UPF2: variants seen among roughly 807,000 people sequenced by gnomAD.
UPF2 encodes UPF2 regulator of nonsense mediated mRNA decay.
UPF2 carries 17 observed loss-of-function variants against 141.4 expected under a neutral mutation model. That is an observed-to-expected ratio of 0.12 (90% CI 0.08 to 0.18). The LOEUF (loss-of-function observed/expected upper bound fraction) is 0.18. Among genes scored for constraint, UPF2 ranks in the 10% least tolerant of loss-of-function variants. The pLI is 1.00. For missense variants in UPF2, 1,152 were observed against 1,515.9 expected (o/e 0.76, Z 3.99); for synonymous variants, 540 against 498.0 (o/e 1.08, Z -1.12).
At position 11,985,884 on chromosome 10, in the gene UPF2, C is replaced by CTTTTTTTT. The variant is rs746117868; in HGVS notation, c.1845-6727_1845-6720dup. On this transcript the variant is annotated intron_variant, in intron 8 of 21. Transcript: ENST00000357604. ...CAACTGAAAAATAATTAGATCCTTC[C>CTTTTTTTT]TTTTTTTTTTTTTTTTGTGAGACGG... 1.8e-3 allele frequency among the ~76,000 whole-genome samples: 184 copies of CTTTTTTTT among 100,688 alleles called. 24 individuals are homozygous for CTTTTTTTT. The highest frequency in any genetic ancestry group is 4.7e-3 in the African/African-American group (112 of 23,626). The allele number at this position is 100,688 out of a possible 152,430, so 66.1% of individuals were successfully genotyped here.
intron 5 of UPF2, among the ~76,000 whole-genome samples, chr10:12,003,866 A>C (rs1382773528): frequency 7.0e-6 from 1 of 141,878 alleles, no homozygotes; most frequent in African/African-American, 2.6e-5. Context: ...CGTAGGTTGC[A>C]GTGAGCTGAG....
At chr10:11,949,036 A>AT (rs1833041042) in intron 15 of UPF2, among the ~76,000 whole-genome samples, 1 of 152,226 alleles carries the variant, frequency 6.6e-6, no homozygotes, top group South Asian at 2.1e-4. Flanking sequence ...CTTTGTCACC[A>AT]TACAGACTAA....
At position 11,959,265 on chromosome 10, in the gene UPF2, G is replaced by A. The variant is rs1172718170; in HGVS notation, c.2276C>T (p.Pro759Leu). 2 of 1,613,200 alleles carry A rather than the reference G, an allele frequency of 1.2e-6. No individual in the cohort carries two copies. The highest frequency in any genetic ancestry group is 1.7e-6 in the Non-Finnish European group (2 of 1,179,738). Residue 759 changes from proline to leucine, a missense_variant, in exon 12 of 22, where the codon CCA becomes CTA. Physicochemically the swap from Pro to Leu is moderately conservative, Grantham distance 98. Transcript: ENST00000357604. The surrounding 1 kb of genome is among the most constrained non-coding windows in gnomAD (Gnocchi z 5.9). ...TTTCTTTTTCACGGTTTTTTCAGCT[G>A]GAGGTGGGTTGCAGTAGTAATATGC... ...ENAYYYCNPP[P>L]AEKTVKKKRP...
At chr10:11,938,056 T>C (rs978833275) in intron 18 of UPF2, among the ~76,000 whole-genome samples, 3 of 152,212 alleles carry the variant, frequency 2.0e-5, no homozygotes, top group African/African-American at 7.2e-5. Context: ...GCAACAACTA[T>C]TAACAATGGA....
intron 12 of UPF2, among the ~76,000 whole-genome samples, chr10:11,958,718 C>T (rs987576505): frequency 6.6e-6 from 1 of 152,068 alleles, no homozygotes; most frequent in African/African-American, 2.4e-5. Flanking sequence ...TGGAAATTAA[C>T]CCCTGTTGAG....
At chr10:11,950,743 A>G (rs1216441550) in intron 15 of UPF2, among the ~76,000 whole-genome samples, 1 of 152,274 alleles carries the variant, frequency 6.6e-6, no homozygotes, top group Non-Finnish European at 1.5e-5. Flanking sequence ...ACTCTGCTCA[A>G]TATGAGATCA....
chr10:11,957,806 T>G (rs151123125), intron 12 of UPF2, among the ~76,000 whole-genome samples: 106 of 152,228 alleles, frequency 7.0e-4, no homozygotes, highest in African/African-American at 2.2e-3. Flanking sequence ...CATGAGCCAC[T>G]ATGCCAGCTA....
chr10:11,954,175 T>A (rs2131186660), intron 14 of UPF2, among the ~76,000 whole-genome samples: 1 of 152,302 alleles, frequency 6.6e-6, no homozygotes, highest in East Asian at 1.9e-4. Flanking sequence ...TATTTGTATA[T>A]GAATTTAATT....
At chr10:11,933,988 C>G (rs1832812638) in intron 19 of UPF2, among the ~76,000 whole-genome samples, 1 of 152,150 alleles carries the variant, frequency 6.6e-6, no homozygotes, top group Non-Finnish European at 1.5e-5. Context: ...ATGTACTGCC[C>G]TCCACAATTC....
chr10:11,936,634 C>T lies in UPF2; in HGVS notation c.3457G>A (p.Gly1153Arg), dbSNP rs767942078. 4 of 1,613,606 alleles carry T rather than the reference C, an allele frequency of 2.5e-6. No individual in the cohort carries two copies. The South Asian group carries it at 4.4e-5, about 18-fold the overall frequency. ...PLHLKSQLRK[G>R]PPLGGGEGEA... ...CCTTCCCCACCTCCCAGTGGGGGCC[C>T]TTTCCTCAGCTGGCTTTTGAGATGC... is the stretch of plus-strand genomic sequence containing the variant. The change falls in exon 19 of 22, where the codon GGG (glycine) becomes AGG (arginine). Residue 1153 changes from glycine to arginine, a missense_variant. Gly to Arg is a moderately radical substitution (Grantham distance 125). Coordinates refer to ENST00000357604, the MANE Select transcript of UPF2 (RefSeq NM_015542.4). The surrounding 1 kb of genome is among the most constrained non-coding windows in gnomAD (Gnocchi z 6.6).
At position 11,953,697 on chromosome 10, in the gene UPF2, G is replaced by A. The variant is rs868074895; in HGVS notation, c.2851-1448C>T. ...CAGCAAAACTCTGGCTTTTAATACA[G>A]TATCCAACTTAAGATGGTCCTTACA... On this transcript the variant is annotated intron_variant, in intron 14 of 21. Coordinates refer to ENST00000357604, the MANE Select transcript of UPF2 (RefSeq NM_015542.4). This position sits in a 1 kb window ranked among gnomAD's most constrained non-coding sequence, Gnocchi z 5.0. 6.6e-6 allele frequency among the ~76,000 whole-genome samples: 1 copy of A among 152,138 alleles called. No homozygotes were observed. Among genetic ancestry groups the A allele is most frequent in the Non-Finnish European group, 1.5e-5 (1 of 68,028 alleles).
intron 4 of UPF2, among the ~76,000 whole-genome samples, chr10:12,012,046 C>A (rs1435771922): frequency 6.6e-6 from 1 of 151,414 alleles, no homozygotes; most frequent in African/African-American, 2.4e-5. Context: ...GTAAAGAAAC[C>A]ACCTAAATCA....
At position 12,014,030 on chromosome 10, in the gene UPF2, G is replaced by A. The variant is rs995556519; in HGVS notation, c.1300C>T (p.Pro434Ser). The change falls in exon 4 of 22, where the codon CCA (proline) becomes TCA (serine). Residue 434 changes from proline (P) to serine (S), a missense_variant. Pro to Ser is a moderately conservative substitution (Grantham distance 74). This residue lies in a region of UPF2 where 739 missense variants were observed against 1,032.2 expected (regional missense o/e 0.72). Transcript: ENST00000357604. The surrounding 1 kb of genome is among the most constrained non-coding windows in gnomAD (Gnocchi z 5.0). ...TTTTAAGGATATCTCTTACCTTCTG[G>A]TGTTGGTTTGTCTTGAGGAAGATCT... The part of the protein sequence containing the change: ...MPDLPQDKPT[P>S]EEHGPGIDIF... 1 of 1,553,666 alleles carries A rather than the reference G, an allele frequency of 6.4e-7. No individual in the cohort carries two copies. Among genetic ancestry groups the A allele is most frequent in the Non-Finnish European group, 8.7e-7 (1 of 1,147,376 alleles).
intron 8 of UPF2, among the ~76,000 whole-genome samples, chr10:11,993,370 C>T (rs1397666533): frequency 2.0e-5 from 3 of 152,086 alleles, no homozygotes; most frequent in South Asian, 2.1e-4. Flanking sequence ...TGCAACACAT[C>T]GGGAGTCACA....
At chr10:11,945,557 T>C (rs1041961232) in intron 16 of UPF2, among the ~76,000 whole-genome samples, 1 of 152,234 alleles carries the variant, frequency 6.6e-6, no homozygotes, top group Non-Finnish European at 1.5e-5. Context: ...AACCTCCCTC[T>C]GCACATTTTG....
chr10:11,956,592 A>G lies in UPF2; in HGVS notation c.2371-69T>C. On this transcript the variant is annotated intron_variant, in intron 12 of 21. Coordinates refer to ENST00000357604, the MANE Select transcript of UPF2 (RefSeq NM_015542.4). This position sits in a 1 kb window ranked among gnomAD's most constrained non-coding sequence, Gnocchi z 4.2. ...AGTAGCCTGACCAAATAATACAGAA[A>G]TTTTGCTATGATTGCGCAGAGAACT... 6.8e-7 allele frequency: 1 copy of G among 1,464,270 alleles called. No homozygotes were observed. Among genetic ancestry groups the G allele is most frequent in the South Asian group, 1.2e-5 (1 of 81,976 alleles). 90.7% of individuals were successfully genotyped at this position (1,464,270 alleles called of 1,614,324 possible). A position where few individuals can be genotyped will look rare whatever the true frequency, so the allele number is the denominator to read the frequency against.
Position 11,921,010 on chromosome 10 carries a change from T to G in UPF2, c.*288A>C, listed in dbSNP as rs752772818. 10 of 659,832 alleles carry G rather than the reference T, an allele frequency of 1.5e-5. No homozygotes were observed. Among genetic ancestry groups the G allele is most frequent in the Admixed American group, 5.4e-5 (3 of 55,130 alleles). The allele number at this position is 659,832 out of a possible 1,614,324, so 40.9% of individuals were successfully genotyped here. On this transcript the variant is annotated 3_prime_UTR_variant, in exon 22 of 22. Coordinates refer to ENST00000357604, the MANE Select transcript of UPF2 (RefSeq NM_015542.4). This position sits in a 1 kb window ranked among gnomAD's most constrained non-coding sequence, Gnocchi z 5.9. ...TCTCCTTGGTGTAACTGCTCAGTAG[T>G]CAAGTGAACCATCTCATTTCTTGAC...
At chr10:11,970,666 G>C (rs2131212966) in intron 9 of UPF2, among the ~76,000 whole-genome samples, 1 of 152,198 alleles carries the variant, frequency 6.6e-6, no homozygotes, top group South Asian at 2.1e-4. Context: ...ACAAAAATTA[G>C]CTGGGCATGG....
chr10:11,959,198 C>T lies in UPF2; in HGVS notation c.2343G>A (p.Lys781=), dbSNP rs1056894642. ...TCTCGGTGGTAACCTTAGAGAGATCCTTGTACAAAAGTTTCCGGACATATT... is the reference window on the plus strand; with the variant it reads ...TCTCGGTGGTAACCTTAGAGAGATCTTTGTACAAAAGTTTCCGGACATATT... ...LQEYVRKLLY[K]DLSKVTTEKV... The change falls in exon 12 of 22, where the codon AAG becomes AAA. Residue 781 remains lysine (K), a synonymous_variant. Coordinates refer to ENST00000357604, the MANE Select transcript of UPF2 (RefSeq NM_015542.4). This position sits in a 1 kb window ranked among gnomAD's most constrained non-coding sequence, Gnocchi z 5.9. The T allele has an allele frequency of 2.5e-6, 4 of 1,591,700 alleles. No homozygotes were observed. In the South Asian group the frequency reaches 3.4e-5, roughly 13 times the overall value.
Sources: gnomAD v4.1 joint callset for allele counts (sites outside exome capture counted in the v4.1 genomes callset) on GRCh38, gnomAD v4.1.1 for gene constraint, gnomAD v4.1.1 regional missense constraint, Gnocchi (gnomAD v3.1) non-coding constraint, MANE v1.5 for transcripts, NCBI Gene and HGNC (gene_info 2026-07-23, HGNC 2026-07-21) for gene names.